CDK5RAP2: variants seen among roughly 807,000 people sequenced by gnomAD.
The protein encoded by CDK5RAP2 is CDK5 regulatory subunit associated protein 2.
A neutral mutation model predicts 232.9 loss-of-function variants in CDK5RAP2; 147 were observed. That is an observed-to-expected ratio of 0.63 (90% CI 0.55 to 0.72). The LOEUF (loss-of-function observed/expected upper bound fraction) is 0.72, where lower values mean the gene tolerates loss of function less well. Among genes scored for constraint, CDK5RAP2 ranks in the 30% least tolerant of loss-of-function variants. The pLI, the probability that CDK5RAP2 is intolerant of heterozygous loss-of-function variation, is 0.00. For synonymous variants in CDK5RAP2, 833 were observed against 833.7 expected (o/e 1.00, Z 0.01); for missense variants, 2,195 against 2,231.5 (o/e 0.98, Z 0.33).
rs770554477 is a variant in CDK5RAP2 at position 120,470,178 on chromosome 9, C to T, written c.1901G>A (p.Ser634Asn). 29 of 1,595,384 alleles carry T rather than the reference C, an allele frequency of 1.8e-5. No homozygotes were observed. The highest frequency in any genetic ancestry group is 2.7e-5 in the African/African-American group (2 of 74,146). The change falls in exon 17 of 38, where the codon AGT becomes AAT. Residue 634 changes from serine to asparagine, a missense_variant. By Grantham distance (46) the Ser-to-Asn change is conservative. Coordinates refer to ENST00000349780, the MANE Select transcript of CDK5RAP2 (RefSeq NM_018249.6). ...SLYSDQTSYL[S>N]ICLEENNRFQ... ...CCGATTGTTTTCTTCAAGGCAAATA[C>T]TTAGATAAGATGTTTGATCACTATA...
At chr9:120,471,669 A>G in intron 16 of CDK5RAP2, 79 bp downstream of exon 16, 1 of 1,599,804 alleles carries the variant, frequency 6.3e-7, no homozygotes, top group African/African-American at 1.3e-5. Context: ...CTTAACAAAT[A>G]TTTAGGACTC....
At chr9:120,435,779 A>G (rs1352668305) in intron 25 of CDK5RAP2, among the ~76,000 whole-genome samples, 1 of 152,252 alleles carries the variant, frequency 6.6e-6, no homozygotes, top group Non-Finnish European at 1.5e-5. Flanking sequence ...ATAATAGTCC[A>G]TTGAATAAAA....
Position 120,552,977 on chromosome 9 carries a change from T to C in CDK5RAP2, c.196-2075A>G, listed in dbSNP as rs892804810. ...TAGATGAATATACATGGTTGTTCACTGTGCTATTTTGCAACTTTTCATACG... is the reference window on the plus strand; with the variant it reads ...TAGATGAATATACATGGTTGTTCACCGTGCTATTTTGCAACTTTTCATACG... On this transcript the variant is annotated intron_variant, in intron 3 of 37. Coordinates refer to ENST00000349780, the MANE Select transcript of CDK5RAP2 (RefSeq NM_018249.6). 2.8e-4 allele frequency among the ~76,000 whole-genome samples: 42 copies of C among 152,220 alleles called. 1 individual carries two copies. Among genetic ancestry groups the C allele is most frequent in the Admixed American group, 2.6e-3 (40 of 15,284 alleles).
chr9:120,509,772 A>G (rs2039993749), intron 12 of CDK5RAP2, among the ~76,000 whole-genome samples: 1 of 152,234 alleles, frequency 6.6e-6, no homozygotes, highest in South Asian at 2.1e-4. Flanking sequence ...AGAAATGGGC[A>G]TACTATGGTT....
chr9:120,527,631 C>T (rs1420034369), intron 10 of CDK5RAP2, among the ~76,000 whole-genome samples, 175 bp downstream of exon 10: 3 of 152,108 alleles, frequency 2.0e-5, no homozygotes, highest in Non-Finnish European at 4.4e-5. Context: ...TATTGGACAG[C>T]ACTGGATTAG....
rs1478675602 is a variant in CDK5RAP2, at chr9:120,453,751, A to G, written c.2498T>C (p.Leu833Pro). The G allele has an allele frequency of 6.2e-7, 1 of 1,614,230 alleles. No individual in the cohort carries two copies. Among genetic ancestry groups the G allele is most frequent in the South Asian group, 1.1e-5 (1 of 91,088 alleles). Residue 833 changes from leucine to proline, a missense_variant, in exon 21 of 38, where the codon CTT (leucine) becomes CCT (proline). Leu to Pro is a moderately conservative substitution (Grantham distance 98). Coordinates refer to ENST00000349780, the MANE Select transcript of CDK5RAP2 (RefSeq NM_018249.6). ...TGAGTTGGTTTGGACAAAATGTACAAGTTCACCTTTTTGCTTAGGTGTCTT... is the reference window on the plus strand; with the variant it reads ...TGAGTTGGTTTGGACAAAATGTACAGGTTCACCTTTTTGCTTAGGTGTCTT... ...TEKTPKQKGELVHFVQTNSFS... is the reference protein window; with the variant it reads ...TEKTPKQKGEPVHFVQTNSFS...
At chr9:120,559,570 GAA>G (rs777727216) in intron 3 of CDK5RAP2, among the ~76,000 whole-genome samples, 9,697 of 60,752 alleles carry the variant, frequency 0.16, 431 homozygotes, top group East Asian at 0.41. Flanking sequence ...AGAGAAACAA[GAA>G]AAAAAAAAAA....
intron 18 of CDK5RAP2, among the ~76,000 whole-genome samples, chr9:120,463,205 A>G (rs531329627): frequency 6.6e-6 from 1 of 152,250 alleles, no homozygotes; most frequent in African/African-American, 2.4e-5. Context: ...TCTTGTCTCT[A>G]CTAAAAATTA....
chr9:120,467,655 G>T (rs551486479), intron 18 of CDK5RAP2, among the ~76,000 whole-genome samples: 50 of 151,784 alleles, frequency 3.3e-4, no homozygotes, highest in African/African-American at 1.2e-3. Context: ...GGTTTTGATG[G>T]TTTTTTTTGA....
chr9:120,500,872 G>A (rs2039541751), intron 12 of CDK5RAP2, among the ~76,000 whole-genome samples: 2 of 152,264 alleles, frequency 1.3e-5, no homozygotes, highest in South Asian at 4.1e-4. Flanking sequence ...CTCAGAAACA[G>A]TCAATACAAC....
chr9:120,575,674 A>G (rs1564395887), intron 1 of CDK5RAP2, among the ~76,000 whole-genome samples: 1 of 152,168 alleles, frequency 6.6e-6, no homozygotes, highest in African/African-American at 2.4e-5. Context: ...CATAAATTTA[A>G]AAAAATACAG....
Position 120,403,177 on chromosome 9 carries a change from C to A in CDK5RAP2, c.5042-106G>T, listed in dbSNP as rs2033184462. ...AGGAGGGCTAGAAGAGGCCCTCGTGCCCAAATGCCACCCAACACAAGCCCA... is the reference window on the plus strand; with the variant it reads ...AGGAGGGCTAGAAGAGGCCCTCGTGACCAAATGCCACCCAACACAAGCCCA... On this transcript the variant is annotated intron_variant, in intron 33 of 37. Transcript: ENST00000349780. The surrounding 1 kb of genome is among the most constrained non-coding windows in gnomAD (Gnocchi z 4.2). 3 of 1,155,786 alleles carry A rather than the reference C, an allele frequency of 2.6e-6. No homozygotes were observed. The highest frequency in any genetic ancestry group is 2.4e-5 in the East Asian group (1 of 41,578). The allele number at this position is 1,155,786 out of a possible 1,614,324, so 71.6% of individuals were successfully genotyped here. A position where few individuals can be genotyped will look rare whatever the true frequency, so the allele number is the denominator to read the frequency against.
At chr9:120,491,935 G>A (rs919386842) in intron 12 of CDK5RAP2, among the ~76,000 whole-genome samples, 1 of 151,812 alleles carries the variant, frequency 6.6e-6, no homozygotes, top group African/African-American at 2.4e-5. Flanking sequence ...AGGAATTGTG[G>A]GTAATTTTCC....
intron 23 of CDK5RAP2, 104 bp downstream of exon 23, chr9:120,443,516 C>T: frequency 2.3e-6 from 3 of 1,281,656 alleles, no homozygotes; most frequent in Non-Finnish European, 3.4e-6. Context: ...ATAATAATGC[C>T]CTGAGAGGGC....
chr9:120,580,048 C>G lies in CDK5RAP2; in HGVS notation c.-70G>C. 1 of 985,892 alleles carries G rather than the reference C, an allele frequency of 1.0e-6. No individual in the cohort carries two copies. Among genetic ancestry groups the G allele is most frequent in the Non-Finnish European group, 1.6e-6 (1 of 627,566 alleles). The allele number at this position is 985,892 out of a possible 1,614,324, so 61.1% of individuals were successfully genotyped here. ...CACTAGTACCCCCCGCGATAGCGAC[C>G]CGCCGGGCTCCCCAGGTCCCCGCCC... On this transcript the variant is annotated 5_prime_UTR_variant, in exon 1 of 38. Transcript: ENST00000349780.
At chr9:120,536,339 G>A (rs1321667510) in intron 7 of CDK5RAP2, 33 bp downstream of exon 7, 1 of 1,609,138 alleles carries the variant, frequency 6.2e-7, no homozygotes, top group Non-Finnish European at 8.5e-7. Context: ...CAGATAATGT[G>A]ATGTCAGGGT....
chr9:120,442,306 T>C (rs1386093523), intron 23 of CDK5RAP2, among the ~76,000 whole-genome samples: 1 of 152,192 alleles, frequency 6.6e-6, no homozygotes, highest in African/African-American at 2.4e-5. Flanking sequence ...TCCAATCTCC[T>C]GTACCGCGGT....
intron 36 of CDK5RAP2, among the ~76,000 whole-genome samples, chr9:120,392,937 G>A (rs563255431): frequency 1.6e-4 from 25 of 152,226 alleles, no homozygotes; most frequent in African/African-American, 4.6e-4. Flanking sequence ...GGACCCCGCC[G>A]GTCCCTGCTG....
In CDK5RAP2 at chr9:120,473,557, T is replaced by C. The variant is rs534706649; in HGVS notation, c.1728-1679A>G. Among the ~76,000 whole-genome samples, 16 of 152,296 alleles carry C rather than the reference T, an allele frequency of 1.1e-4. No homozygotes were observed. In the South Asian group the frequency reaches 2.9e-3, roughly 28 times the overall value. On this transcript the variant is annotated intron_variant, in intron 15 of 37. Transcript: ENST00000349780. Reference sequence around the variant, plus strand: ...ACACATTGGAAGGAAAATAAACCATTATGTCTAATCTTCTATGCTTGCTGC... The same window carrying C: ...ACACATTGGAAGGAAAATAAACCATCATGTCTAATCTTCTATGCTTGCTGC...
Sources: allele counts gnomAD v4.1 joint callset (sites outside exome capture counted in the v4.1 genomes callset), GRCh38; gene constraint gnomAD v4.1.1; non-coding constraint Gnocchi (gnomAD v3.1); transcripts MANE v1.5; gene names NCBI Gene and HGNC (gene_info 2026-07-23, HGNC 2026-07-21).